Variants in DEPTOR observed in about 807,000 individuals in gnomAD.
The protein encoded by DEPTOR is DEP domain containing MTOR interacting protein.
DEPTOR carries 41 observed loss-of-function variants against 41.6 expected under a neutral mutation model. That is an observed-to-expected ratio of 0.98 (90% confidence interval 0.77 to 1.28). The LOEUF is 1.28. DEPTOR is among the 50% of genes most tolerant of loss of function. DEPTOR has a pLI of 0.00. For missense variants in DEPTOR, 514 were observed against 527.9 expected (o/e 0.97, Z 0.26); for synonymous variants, 195 against 192.3 (o/e 1.01, Z -0.12).
Position 119,999,826 on chromosome 8 carries a change from A to G in DEPTOR, c.605-1699A>G, listed in dbSNP as rs536858493. On this transcript the variant is annotated intron_variant, in intron 4 of 8. Coordinates refer to ENST00000286234, the MANE Select transcript of DEPTOR (RefSeq NM_022783.4). ...TTGCCAGGCATCAGGAATTCAGTGAAGGAGGCCATAGAGGGGAAACACAGG... is the reference window on the plus strand; with the variant it reads ...TTGCCAGGCATCAGGAATTCAGTGAGGGAGGCCATAGAGGGGAAACACAGG... Among the ~76,000 whole-genome samples the G allele has an allele frequency of 9.8e-5, 15 of 152,326 alleles. No homozygotes were observed. The East Asian group carries it at 2.5e-3, about 25-fold the overall frequency.
At chr8:119,983,673 C>CGGTG (rs1306521609) in intron 4 of DEPTOR, among the ~76,000 whole-genome samples, 1 of 152,148 alleles carries the variant, frequency 6.6e-6, no homozygotes, top group Admixed American at 6.6e-5. Flanking sequence ...CATGAGCCAC[C>CGGTG]GTGCCTGGCC....
At chr8:119,962,424 A>G (rs533965154) in intron 3 of DEPTOR, among the ~76,000 whole-genome samples, 6 of 152,150 alleles carry the variant, frequency 3.9e-5, no homozygotes, top group Non-Finnish European at 8.8e-5. Flanking sequence ...GATGCAAAAC[A>G]AGAAGTCAAG....
intron 4 of DEPTOR, among the ~76,000 whole-genome samples, chr8:119,984,438 G>A (rs1472683848): frequency 6.6e-6 from 1 of 151,840 alleles, no homozygotes; most frequent in East Asian, 1.9e-4. Flanking sequence ...CCACCAACAG[G>A]CCCCAGTGTG....
intron 4 of DEPTOR, among the ~76,000 whole-genome samples, chr8:119,996,474 A>G (rs947506069): frequency 6.6e-6 from 1 of 152,042 alleles, no homozygotes; most frequent in Non-Finnish European, 1.5e-5. Context: ...TATTGGGGAG[A>G]GAATGTGATG....
intron 4 of DEPTOR, among the ~76,000 whole-genome samples, chr8:119,976,434 A>G (rs988108613): frequency 1.3e-5 from 2 of 152,200 alleles, no homozygotes; most frequent in South Asian, 4.1e-4. Flanking sequence ...AACAAGTGAC[A>G]AAAGTGACCA....
At position 120,001,511 on chromosome 8, in the gene DEPTOR, T is replaced by C. The variant is rs1812350414; in HGVS notation, c.605-14T>C. 2 of 1,585,728 alleles carry C rather than the reference T, an allele frequency of 1.3e-6. No homozygotes were observed. The highest frequency in any genetic ancestry group is 1.7e-6 in the Non-Finnish European group (2 of 1,166,452). ...CAGATAGTCCTCATTGGTTGTTTTT[T>C]TTTTTCTCCCCAGTGTCCAACAAGC... On this transcript the variant is annotated splice_polypyrimidine_tract_variant and intron_variant, in intron 4 of 8. Transcript: ENST00000286234.
At chr8:120,000,064 G>A (rs1384292653) in intron 4 of DEPTOR, among the ~76,000 whole-genome samples, 1 of 152,040 alleles carries the variant, frequency 6.6e-6, no homozygotes, top group Non-Finnish European at 1.5e-5. Context: ...TTATGTAAGG[G>A]GTTACCATTG....
chr8:119,885,597 A>AT (rs1461440536), intron 1 of DEPTOR, among the ~76,000 whole-genome samples: 4 of 152,142 alleles, frequency 2.6e-5, no homozygotes, highest in Non-Finnish European at 4.4e-5. Flanking sequence ...GATAAGGAAC[A>AT]TTTTTTTCTC....
intron 1 of DEPTOR, among the ~76,000 whole-genome samples, chr8:119,906,625 T>C (rs1327183527): frequency 6.6e-6 from 1 of 152,208 alleles, no homozygotes; most frequent in East Asian, 1.9e-4. Context: ...ATACCCCTTG[T>C]CTAGCATTAC....
intron 3 of DEPTOR, among the ~76,000 whole-genome samples, chr8:119,964,654 A>G (rs1221100544): frequency 1.3e-5 from 2 of 152,212 alleles, no homozygotes; most frequent in Non-Finnish European, 2.9e-5. Flanking sequence ...AGAATAGAAC[A>G]TGAAATTGTA....
chr8:120,009,165 A>G (rs899723976), intron 8 of DEPTOR, 32 bp downstream of exon 8: 6 of 1,589,250 alleles, frequency 3.8e-6, no homozygotes, highest in Non-Finnish European at 5.2e-6. Flanking sequence ...CCTCTTTTAT[A>G]TCTGTCTTGG....
At chr8:119,897,092 G>A (rs546018923) in intron 1 of DEPTOR, among the ~76,000 whole-genome samples, 2 of 152,224 alleles carry the variant, frequency 1.3e-5, no homozygotes, top group South Asian at 4.2e-4. Flanking sequence ...AATATTAGAA[G>A]TTCTAGAATA....
chr8:120,044,403 G>A (rs1813126056), intron 8 of DEPTOR, among the ~76,000 whole-genome samples: 1 of 152,162 alleles, frequency 6.6e-6, no homozygotes, highest in Non-Finnish European at 1.5e-5. Context: ...GGGATTACAG[G>A]CATGAGCCAC....
chr8:119,897,468 G>A (rs1827535229), intron 1 of DEPTOR, among the ~76,000 whole-genome samples: 2 of 152,186 alleles, frequency 1.3e-5, no homozygotes, highest in Admixed American at 6.5e-5. Context: ...GGGAGGCAGA[G>A]GTTGCAGTGA....
In DEPTOR at chr8:119,875,427, C is replaced by T. The variant is rs536339053; in HGVS notation, c.122+1459C>T. 3.9e-5 allele frequency among the ~76,000 whole-genome samples: 6 copies of T among 152,214 alleles called. No individual in the cohort carries two copies. In the South Asian group the frequency reaches 1.0e-3, roughly 26 times the overall value. ...AAAGAGTAGAGTAAGGAAGAAGAGA[C>T]CTGATATCCCTTGGAGAATAAATGT... On this transcript the variant is annotated intron_variant, in intron 1 of 8. Coordinates refer to ENST00000286234, the MANE Select transcript of DEPTOR (RefSeq NM_022783.4).
At chr8:120,022,188 A>G (rs1026400885) in intron 8 of DEPTOR, among the ~76,000 whole-genome samples, 1 of 150,496 alleles carries the variant, frequency 6.6e-6, no homozygotes, top group South Asian at 2.1e-4. Flanking sequence ...AGATGCATGG[A>G]TTGTAAGATA....
At chr8:120,004,653 A>T (rs1054511455) in intron 6 of DEPTOR, among the ~76,000 whole-genome samples, 2 of 152,194 alleles carry the variant, frequency 1.3e-5, no homozygotes, top group Non-Finnish European at 2.9e-5. Flanking sequence ...CCTCTGGGTC[A>T]AAGGGAAGAG....
At chr8:119,961,914 G>A (rs939794459) in intron 3 of DEPTOR, among the ~76,000 whole-genome samples, 62 of 152,056 alleles carry the variant, frequency 4.1e-4, no homozygotes, top group Middle Eastern at 3.4e-3. Flanking sequence ...CACAATGACC[G>A]TGACATTTTA....
In DEPTOR at chr8:119,965,277, A is replaced by AG; in HGVS notation, c.475dup (p.Val159GlyfsTer4). The AG allele has an allele frequency of 6.2e-7, 1 of 1,614,054 alleles. No individual in the cohort carries two copies. The highest frequency in any genetic ancestry group is 8.5e-7 in the Non-Finnish European group (1 of 1,179,990). On this transcript the variant is annotated frameshift_variant, in exon 4 of 9. Transcript: ENST00000286234. LOFTEE classifies it high-confidence loss of function. The stretch of plus-strand genomic sequence containing the variant: ...CACTCCTGCAGCCCAGGGAGGAGGA[A>AG]GGGGTCAAGTATGAGCGCACCTTCA...
Sources: allele counts gnomAD v4.1 joint callset (sites outside exome capture counted in the v4.1 genomes callset), GRCh38; gene constraint gnomAD v4.1.1; transcripts MANE v1.5; gene names NCBI Gene and HGNC (gene_info 2026-07-23, HGNC 2026-07-21).